ANKRD30A: variants seen among roughly 807,000 people sequenced by gnomAD.
ANKRD30A encodes ankyrin repeat domain 30A, also known as ankyrin repeat domain-containing protein 30A.
In ANKRD30A, 170 loss-of-function variants were observed where a neutral mutation model predicts 166.3. That is an observed-to-expected ratio of 1.02 (90% confidence interval 0.90 to 1.16). The LOEUF (loss-of-function observed/expected upper bound fraction) is 1.16. ANKRD30A is among the 50% of genes most tolerant of loss of function. ANKRD30A has a pLI of 0.00. For missense variants in ANKRD30A, 1,630 were observed against 1,518.0 expected (o/e 1.07, Z -1.23); for synonymous variants, 564 against 508.9 (o/e 1.11, Z -1.46).
At chr10:37,149,174 T>C (rs1837724443) in intron 9 of ANKRD30A, among the ~76,000 whole-genome samples, 1 of 152,024 alleles carries the variant, frequency 6.6e-6, no homozygotes, top group Admixed American at 6.6e-5. Flanking sequence ...ATATTTAGTA[T>C]TATGAACTAA....
chr10:37,208,610 C>A (rs932225984), intron 31 of ANKRD30A, among the ~76,000 whole-genome samples: 11 of 152,128 alleles, frequency 7.2e-5, no homozygotes, highest in African/African-American at 2.7e-4. Context: ...AGGGCCTTCT[C>A]ACCTGCCCAG....
At chr10:37,134,919 G>C (rs1836588745) in intron 5 of ANKRD30A, among the ~76,000 whole-genome samples, 1 of 152,110 alleles carries the variant, frequency 6.6e-6, no homozygotes, top group East Asian at 1.9e-4. Flanking sequence ...CTATATCCCT[G>C]GCACTTTATA....
At chr10:37,160,116 G>A (rs1454996145) in intron 15 of ANKRD30A, among the ~76,000 whole-genome samples, 3 of 152,076 alleles carry the variant, frequency 2.0e-5, no homozygotes, top group Non-Finnish European at 2.9e-5. Context: ...TTGATTTAAG[G>A]CCTCATAGTT....
chr10:37,220,029 A>ATATAT (rs1366777838), intron 34 of ANKRD30A, 132 bp downstream of exon 34: 4 of 148,436 alleles, frequency 2.7e-5, no homozygotes, highest in Non-Finnish European at 4.9e-5. Context: ...ATATATATAT[A>ATATAT]ATATATGTAT....
chr10:37,136,124 G>A (rs1192560231), intron 5 of ANKRD30A, among the ~76,000 whole-genome samples: 1 of 151,996 alleles, frequency 6.6e-6, no homozygotes, highest in East Asian at 1.9e-4. Flanking sequence ...TTTTAAAACA[G>A]TTTCAGCAAT....
At chr10:37,236,465 T>G (rs915309532), downstream of ANKRD30A, among the ~76,000 whole-genome samples, 7 of 152,142 alleles carry the variant, frequency 4.6e-5, no homozygotes, top group South Asian at 2.1e-4. Context: ...CAAACTCATG[T>G]CACTGTGGGC....
At chr10:37,212,038 G>T (rs1842354193) in intron 31 of ANKRD30A, among the ~76,000 whole-genome samples, 1 of 151,974 alleles carries the variant, frequency 6.6e-6, no homozygotes, top group Non-Finnish European at 1.5e-5. Flanking sequence ...GCAGGAGAAG[G>T]AAATAAAGGG....
chr10:37,183,687 CTG>C (rs1184295385), intron 24 of ANKRD30A, among the ~76,000 whole-genome samples: 1 of 147,836 alleles, frequency 6.8e-6, no homozygotes, highest in Admixed American at 6.8e-5. Context: ...CTCATATAAA[CTG>C]TGAAAATTCT....
chr10:37,194,672 G>T (rs56405030), intron 27 of ANKRD30A, among the ~76,000 whole-genome samples: 16,519 of 152,116 alleles, frequency 0.11, 1,193 homozygotes, highest in Non-Finnish European at 0.16. Flanking sequence ...ATAAATAGTT[G>T]TACACTGTAC....
chr10:37,241,699 A>G, the ANKRD30A span, among the ~76,000 whole-genome samples: 4 of 152,162 alleles, frequency 2.6e-5, no homozygotes, highest in Admixed American at 1.3e-4. Flanking sequence ...ATGTAATGCA[A>G]TTGACACCAT....
chr10:37,237,877 T>G, the ANKRD30A span, among the ~76,000 whole-genome samples: 1 of 152,158 alleles, frequency 6.6e-6, no homozygotes, highest in Non-Finnish European at 1.5e-5. Context: ...TGTGGTCTCT[T>G]GAATGGAAAT....
Position 37,219,582 on chromosome 10 carries a change from AAC to A in ANKRD30A, c.3874_3875del (p.Gln1292ValfsTer7), listed in dbSNP as rs768069653. ...AACATGCACAAAGAGACCAACGTGA[AAC>A]ACAGTGTCAAATGAAGGAAGCTGAA... ...SEHAQRDQRE[T>X]QCQMKEAEHM... On this transcript the variant is annotated frameshift_variant, in exon 34 of 36. Coordinates refer to ENST00000361713, the MANE Select transcript of ANKRD30A (RefSeq NM_052997.3). LOFTEE classifies it high-confidence loss of function. 1.6e-5 allele frequency: 25 copies of A among 1,610,288 alleles called. No homozygotes were observed. Among genetic ancestry groups the A allele is most frequent in the Middle Eastern group, 3.3e-4 (2 of 6,062 alleles).
the ANKRD30A span, among the ~76,000 whole-genome samples, chr10:37,244,418 A>G: frequency 9.9e-5 from 15 of 152,224 alleles, no homozygotes; most frequent in Admixed American, 9.8e-4. Context: ...CCCCATACAG[A>G]CATAACAAGA....
the ANKRD30A span, among the ~76,000 whole-genome samples, chr10:37,263,105 C>T: frequency 3.3e-5 from 5 of 151,286 alleles, no homozygotes; most frequent in South Asian, 2.1e-4. Flanking sequence ...TAGACATTTT[C>T]GTTATTTTCA....
chr10:37,149,578 C>A, intron 9 of ANKRD30A, 73 bp from the exon 10 acceptor site: 2 of 1,513,974 alleles, frequency 1.3e-6, no homozygotes, highest in Non-Finnish European at 1.8e-6. Flanking sequence ...CAGTTACATA[C>A]TATGACTGCA....
intron 27 of ANKRD30A, among the ~76,000 whole-genome samples, chr10:37,195,531 G>A (rs1841004149): frequency 6.6e-6 from 1 of 152,090 alleles, no homozygotes; most frequent in East Asian, 1.9e-4. Flanking sequence ...TATATTTAAA[G>A]TATACCTAAT....
chr10:37,156,590 A>T (rs1188591478), intron 13 of ANKRD30A, among the ~76,000 whole-genome samples: 1 of 152,146 alleles, frequency 6.6e-6, no homozygotes, highest in Non-Finnish European at 1.5e-5. Context: ...AGAAAATTTA[A>T]TGCCAGTTAT....
intron 29 of ANKRD30A, 30 bp downstream of exon 29, chr10:37,197,510 C>G: frequency 6.2e-7 from 1 of 1,611,366 alleles, no homozygotes; most frequent in Non-Finnish European, 8.5e-7. Context: ...TATGCGAAGA[C>G]CAATATTTCA....
chr10:37,143,853 A>G (rs1414710980), intron 7 of ANKRD30A, among the ~76,000 whole-genome samples: 2 of 151,888 alleles, frequency 1.3e-5, no homozygotes, highest in East Asian at 1.9e-4. Context: ...TAGAAGAAAG[A>G]TGGAGGGTAA....
Sources: gnomAD v4.1 joint callset for allele counts (sites outside exome capture counted in the v4.1 genomes callset) on GRCh38, gnomAD v4.1.1 for gene constraint, MANE v1.5 for transcripts, NCBI Gene and HGNC (gene_info 2026-07-23, HGNC 2026-07-21) for gene names.